PCDHGA3: variants seen among roughly 807,000 people sequenced by gnomAD.
PCDHGA3 encodes protocadherin gamma subfamily A, 3.
PCDHGA3 carries 40 observed loss-of-function variants against 58.5 expected under a neutral mutation model. The observed-to-expected ratio is 0.68, with a 90% CI of 0.53 to 0.89. The LOEUF (loss-of-function observed/expected upper bound fraction) is 0.89, where lower values mean the gene tolerates loss of function less well. PCDHGA3 is among the 40% of genes least tolerant of loss of function. The pLI, the probability that PCDHGA3 is intolerant of heterozygous loss-of-function variation, is 0.00. For missense variants in PCDHGA3, 1,223 were observed against 1,195.9 expected (o/e 1.02, Z -0.33); for synonymous variants, 530 against 525.7 (o/e 1.01, Z -0.11).
chr5:141,363,908 A>C (rs1266423621), intron 1 of PCDHGA3, among the ~76,000 whole-genome samples: 6 of 152,234 alleles, frequency 3.9e-5, no homozygotes, highest in Non-Finnish European at 8.8e-5. Context: ...GCATTAAATA[A>C]AATTTTTGTA....
At position 141,476,209 on chromosome 5, in the gene PCDHGA3, G is replaced by A. The variant is rs749576231; in HGVS notation, c.2425-18598G>A. ...TTGGTGCCTTGAACAAGGCTTCCAC[G>A]GTCATTCACTATGAGATCCCGGAGG... On this transcript the variant is annotated intron_variant, in intron 1 of 3. Coordinates refer to ENST00000253812, the MANE Select transcript of PCDHGA3 (RefSeq NM_018916.4). The surrounding 1 kb of genome is among the most constrained non-coding windows in gnomAD (Gnocchi z 7.6). The A allele has an allele frequency of 3.1e-6, 5 of 1,613,974 alleles. No individual in the cohort carries two copies. Among genetic ancestry groups the A allele is most frequent in the Admixed American group, 1.7e-5 (1 of 60,014 alleles).
chr5:141,382,962 G>T (rs1259468425), intron 1 of PCDHGA3: 2 of 1,607,858 alleles, frequency 1.2e-6, no homozygotes, highest in Non-Finnish European at 1.7e-6. Flanking sequence ...TCCTCCTGGG[G>T]ACCCCCTGGG....
At chr5:141,421,679 C>T (rs1210753842) in intron 1 of PCDHGA3, 2 of 1,613,810 alleles carry the variant, frequency 1.2e-6, no homozygotes, top group Admixed American at 1.7e-5. Context: ...ATTCCTGGGG[C>T]GCGATTTGCT....
At chr5:141,380,058 C>T (rs1231461261) in intron 1 of PCDHGA3, among the ~76,000 whole-genome samples, 2 of 151,888 alleles carry the variant, frequency 1.3e-5, no homozygotes, top group Admixed American at 1.3e-4. Context: ...TGCCACCATG[C>T]CTAGCTAATT....
rs1046764113 is a variant in PCDHGA3, at chr5:141,495,395, G to A, written c.2483+530G>A. Among the ~76,000 whole-genome samples the A allele has an allele frequency of 4.1e-4, 62 of 152,326 alleles. 1 individual carries two copies. The highest frequency in any genetic ancestry group is 1.4e-3 in the African/African-American group (57 of 41,576). On this transcript the variant is annotated intron_variant, in intron 2 of 3. Transcript: ENST00000253812. Reference sequence around the variant, plus strand: ...GAGGAAGGACTGGGCGGGGCATGGAGCAGGCCCCCTTCTCCGGCCCCTCCT... The same window carrying A: ...GAGGAAGGACTGGGCGGGGCATGGAACAGGCCCCCTTCTCCGGCCCCTCCT...
chr5:141,498,197 A>C (rs1191884415), intron 2 of PCDHGA3, among the ~76,000 whole-genome samples: 1 of 152,246 alleles, frequency 6.6e-6, no homozygotes. Flanking sequence ...AACCAGCTAA[A>C]GAAAAGAAGG....
intron 1 of PCDHGA3, among the ~76,000 whole-genome samples, chr5:141,459,532 TA>T (rs1031834752): frequency 6.6e-5 from 10 of 152,354 alleles, no homozygotes; most frequent in East Asian, 3.9e-4. Context: ...TTTGTAGGCA[TA>T]TTTTTTTTAT....
At chr5:141,453,287 A>ATTT (rs2098760771) in intron 1 of PCDHGA3, among the ~76,000 whole-genome samples, 3 of 151,368 alleles carry the variant, frequency 2.0e-5, no homozygotes, top group African/African-American at 7.3e-5. Flanking sequence ...CTAATTTTTT[A>ATTT]ATTATTTATT....
At chr5:141,356,905 A>T (rs542271225) in intron 1 of PCDHGA3, 1 of 1,614,012 alleles carries the variant, frequency 6.2e-7, no homozygotes, top group African/African-American at 1.3e-5. Context: ...CACCTTCCCT[A>T]CTGATGGCTC....
At chr5:141,355,476 G>A (rs1759869757) in intron 1 of PCDHGA3, 5 of 1,613,968 alleles carry the variant, frequency 3.1e-6, no homozygotes, top group Non-Finnish European at 4.2e-6. Context: ...GGATAGACAG[G>A]GAGGAGCTCT....
At chr5:141,496,639 C>T (rs752903356) in intron 2 of PCDHGA3, among the ~76,000 whole-genome samples, 1 of 152,222 alleles carries the variant, frequency 6.6e-6, no homozygotes, top group Non-Finnish European at 1.5e-5. Context: ...TTGGGCTGCC[C>T]TTGCCCTTCC....
chr5:141,355,215 T>C (rs759941889), intron 1 of PCDHGA3: 19 of 1,603,386 alleles, frequency 1.2e-5, no homozygotes, highest in Non-Finnish European at 1.5e-5. Context: ...CGGCGCCTCC[T>C]GCTCGCCCAG....
chr5:141,409,700 G>GCGGTGT (rs1561722150), intron 1 of PCDHGA3: 2 of 1,613,280 alleles, frequency 1.2e-6, no homozygotes, highest in Admixed American at 3.3e-5. Flanking sequence ...AGAGCCCCTG[G>GCGGTGT]CGGTGTCGTC....
chr5:141,370,428 G>T (rs1480841045), intron 1 of PCDHGA3: 2 of 1,598,192 alleles, frequency 1.3e-6, no homozygotes, highest in Non-Finnish European at 1.7e-6. Context: ...GGGCCCAGCA[G>T]GGCAGAGGCG....
chr5:141,365,864 G>A lies in PCDHGA3; in HGVS notation c.2424+19407G>A, dbSNP rs753111294. 9 of 1,614,004 alleles carry A rather than the reference G, an allele frequency of 5.6e-6. No individual in the cohort carries two copies. In the Admixed American group the frequency reaches 6.7e-5, roughly 12 times the overall value. ...CTATGTATCCATTAACTCTGACACC[G>A]GTGTCCTGTATGCTCTGAGATCCTT... is the stretch of plus-strand genomic sequence containing the variant. On this transcript the variant is annotated intron_variant, in intron 1 of 3. Coordinates refer to ENST00000253812, the MANE Select transcript of PCDHGA3 (RefSeq NM_018916.4).
intron 1 of PCDHGA3, among the ~76,000 whole-genome samples, chr5:141,369,601 T>C (rs1247680470): frequency 2.0e-5 from 3 of 152,244 alleles, no homozygotes; most frequent in Non-Finnish European, 4.4e-5. Flanking sequence ...ACTTCTATTT[T>C]ATAAGGTCAA....
At chr5:141,460,231 G>A (rs911633731) in intron 1 of PCDHGA3, among the ~76,000 whole-genome samples, 3 of 152,028 alleles carry the variant, frequency 2.0e-5, no homozygotes, top group Non-Finnish European at 4.4e-5. Context: ...CTTTTGAAGA[G>A]CAGAAGATGT....
In PCDHGA3 at chr5:141,510,983, C is replaced by T; in HGVS notation, c.2609C>T (p.Ala870Val). The change falls in exon 4 of 4, where the codon GCC becomes GTC. Residue 870 changes from alanine to valine, a missense_variant. Around this residue, in one of 3 missense-constraint regions of PCDHGA3, gnomAD observed 325 missense variants for 327.5 expected, o/e 0.99. Transcript: ENST00000253812. The stretch of plus-strand genomic sequence containing the variant: ...GGGAGCTCCACCCTGGGAGGGGGTG[C>T]CGGCACCATGGGATTGAGCGCCCGC... ...ADGSSTLGGG[A>V]GTMGLSARYG... The T allele has an allele frequency of 6.2e-7, 1 of 1,614,162 alleles. No homozygotes were observed. The highest frequency in any genetic ancestry group is 8.5e-7 in the Non-Finnish European group (1 of 1,180,012).
At chr5:141,403,104 A>T in intron 1 of PCDHGA3, 1 of 1,614,038 alleles carries the variant, frequency 6.2e-7, no homozygotes. Flanking sequence ...ATCTCCAAGG[A>T]CCTGGCTCTG....
Sources: allele counts gnomAD v4.1 joint callset (sites outside exome capture counted in the v4.1 genomes callset), GRCh38; gene constraint gnomAD v4.1.1; regional missense constraint gnomAD v4.1.1; non-coding constraint Gnocchi (gnomAD v3.1); transcripts MANE v1.5; gene names NCBI Gene and HGNC (gene_info 2026-07-23, HGNC 2026-07-21).